MPPED1: variants seen among roughly 807,000 people sequenced by gnomAD.
MPPED1 encodes the protein metallophosphoesterase domain containing 1.
In MPPED1, 16 loss-of-function variants were observed where a neutral mutation model predicts 36.2. The observed-to-expected ratio is 0.44, with a 90% CI of 0.30 to 0.67. The LOEUF (loss-of-function observed/expected upper bound fraction) is 0.67. Ranked by LOEUF, MPPED1 falls within the 30% of genes least tolerant of loss-of-function variation. The probability of loss-of-function intolerance (pLI) is 0.10; values close to 1 mark genes in which losing one functional copy is unlikely to be tolerated. For synonymous variants in MPPED1, 199 were observed against 191.3 expected, an observed-to-expected ratio of 1.04 and a Z score of -0.33; for missense variants, 307 against 453.4, an observed-to-expected ratio of 0.68 and a Z score of 2.93.
chr22:43,485,346 TCA>T (rs748020630), intron 4 of MPPED1, among the ~76,000 whole-genome samples: 12 of 151,328 alleles, frequency 7.9e-5, no homozygotes, highest in South Asian at 6.3e-4. Context: ...ACACACACAT[TCA>T]CACACACACA....
At chr22:43,444,949 GA>G (rs940869801) in intron 3 of MPPED1, among the ~76,000 whole-genome samples, 4 of 152,078 alleles carry the variant, frequency 2.6e-5, no homozygotes, top group African/African-American at 4.8e-5. Context: ...AGCCAGGGTT[GA>G]AAAAAAAGTT....
At chr22:43,436,397 G>T (rs1399387491) in intron 3 of MPPED1, among the ~76,000 whole-genome samples, 2 of 152,250 alleles carry the variant, frequency 1.3e-5, no homozygotes, top group African/African-American at 4.8e-5. Flanking sequence ...CAGGAGTGAG[G>T]CAGGGCAGCC....
At chr22:43,497,935 G>GTGTATATA (rs1555904573) in intron 4 of MPPED1, among the ~76,000 whole-genome samples, 5 of 128,360 alleles carry the variant, frequency 3.9e-5, no homozygotes, top group African/African-American at 1.4e-4. Flanking sequence ...ATATGTATAT[G>GTGTATATA]TATATATATA....
At position 43,415,864 on chromosome 22, in the gene MPPED1, C is replaced by G. The variant is rs559989441; in HGVS notation, c.-79+3706C>G. ...TCCTCCTTCCAAGAAGGATGTGAGG[C>G]TCAGCGTTGATGCACACGAAGAGAC... On this transcript the variant is annotated intron_variant, in intron 1 of 6. Transcript: ENST00000443721. Among the ~76,000 whole-genome samples the G allele has an allele frequency of 3.3e-5, 5 of 152,328 alleles. No homozygotes were observed. The South Asian group carries it at 8.3e-4, about 25-fold the overall frequency.
chr22:43,439,608 G>T (rs1223118274), intron 3 of MPPED1, among the ~76,000 whole-genome samples: 5 of 152,224 alleles, frequency 3.3e-5, no homozygotes, highest in Non-Finnish European at 5.9e-5. Context: ...AGAACGGGGA[G>T]AATTATTTTC....
chr22:43,477,743 G>C (rs2146889304), intron 4 of MPPED1, among the ~76,000 whole-genome samples: 1 of 152,354 alleles, frequency 6.6e-6, no homozygotes, highest in South Asian at 2.1e-4. Flanking sequence ...AACCCTCCCT[G>C]CAGCCAGTGA....
At chr22:43,443,797 T>C (rs936776341) in intron 3 of MPPED1, among the ~76,000 whole-genome samples, 1 of 152,220 alleles carries the variant, frequency 6.6e-6, no homozygotes, top group African/African-American at 2.4e-5. Flanking sequence ...CACATTGTTA[T>C]TCTTGCAAAG....
At chr22:43,420,016 C>G (rs1452124965) in intron 1 of MPPED1, among the ~76,000 whole-genome samples, 1 of 152,142 alleles carries the variant, frequency 6.6e-6, no homozygotes, top group Non-Finnish European at 1.5e-5. Flanking sequence ...GGGAATTTTT[C>G]AAGGAGTGCT....
intron 4 of MPPED1, among the ~76,000 whole-genome samples, chr22:43,480,008 A>G (rs1016599047): frequency 3.9e-5 from 6 of 152,100 alleles, no homozygotes; most frequent in African/African-American, 1.4e-4. Context: ...GACCACAGGT[A>G]TGTACCACCA....
intron 3 of MPPED1, among the ~76,000 whole-genome samples, chr22:43,467,258 GT>G (rs1438563352): frequency 6.6e-6 from 1 of 152,224 alleles, no homozygotes; most frequent in Non-Finnish European, 1.5e-5. Flanking sequence ...CCTGCTAAGG[GT>G]GTCTGGAAGC....
chr22:43,497,099 ATGG>A (rs534068877), intron 4 of MPPED1, among the ~76,000 whole-genome samples: 85 of 100,584 alleles, frequency 8.5e-4, no homozygotes, highest in African/African-American at 3.1e-3. Context: ...GGTGGCGGAG[ATGG>A]TGGTGATGGA....
chr22:43,495,240 T>C, intron 4 of MPPED1, among the ~76,000 whole-genome samples: 1 of 143,854 alleles, frequency 7.0e-6, no homozygotes, highest in Non-Finnish European at 1.5e-5. Context: ...GTGGAGGTGG[T>C]GGTGGTGATG....
chr22:43,452,634 T>C (rs1421290195), intron 3 of MPPED1, among the ~76,000 whole-genome samples: 1 of 152,090 alleles, frequency 6.6e-6, no homozygotes, highest in East Asian at 1.9e-4. Flanking sequence ...GGAATAAATA[T>C]TTTATTCTTT....
At chr22:43,488,299 G>A (rs982277367) in intron 4 of MPPED1, among the ~76,000 whole-genome samples, 2 of 152,194 alleles carry the variant, frequency 1.3e-5, no homozygotes, top group African/African-American at 2.4e-5. Flanking sequence ...AGGGATGGCT[G>A]TACTCCAGGG....
chr22:43,450,876 G>C (rs1003662118), intron 3 of MPPED1, among the ~76,000 whole-genome samples: 1 of 152,062 alleles, frequency 6.6e-6, no homozygotes, highest in Admixed American at 6.5e-5. Flanking sequence ...ACAAGCATGT[G>C]CCACCACGCC....
chr22:43,428,171 A>G (rs1176923444), intron 2 of MPPED1, among the ~76,000 whole-genome samples: 3 of 152,174 alleles, frequency 2.0e-5, no homozygotes, highest in East Asian at 1.9e-4. Context: ...GGTAAGTGCT[A>G]TGGAGAAGGA....
Position 43,492,184 on chromosome 22 carries a change from C to T in MPPED1, c.633-6051C>T, listed in dbSNP as rs148660173. 7.5e-3 allele frequency among the ~76,000 whole-genome samples: 1,143 copies of T among 152,214 alleles called. 5 individuals carry two copies. Among genetic ancestry groups the T allele is most frequent in the Admixed American group, 0.01 (155 of 15,304 alleles). On this transcript the variant is annotated intron_variant, in intron 4 of 6. Coordinates refer to ENST00000443721, the MANE Select transcript of MPPED1 (RefSeq NM_001044370.2). Reference sequence around the variant, plus strand: ...GGATTAACTGATTTAGTCATTTCAACAGCCGTATTGAGTATTATCCCCACT... The same window carrying T: ...GGATTAACTGATTTAGTCATTTCAATAGCCGTATTGAGTATTATCCCCACT...
At chr22:43,428,417 G>A (rs373117773) in intron 2 of MPPED1, among the ~76,000 whole-genome samples, 1 of 152,192 alleles carries the variant, frequency 6.6e-6, no homozygotes, top group East Asian at 1.9e-4. Flanking sequence ...GGGATGAGGG[G>A]GCTGCTGCCT....
intron 3 of MPPED1, among the ~76,000 whole-genome samples, chr22:43,445,023 T>C (rs1930288712): frequency 6.6e-6 from 1 of 152,172 alleles, no homozygotes; most frequent in African/African-American, 2.4e-5. Context: ...TGTAAGTGGT[T>C]AACTAGGGTC....
Sources: allele counts gnomAD v4.1 joint callset (sites outside exome capture counted in the v4.1 genomes callset), GRCh38; gene constraint gnomAD v4.1.1; transcripts MANE v1.5; gene names NCBI Gene and HGNC (gene_info 2026-07-23, HGNC 2026-07-21).